Variants in LAMA2 observed in about 807,000 individuals in gnomAD.
The protein encoded by LAMA2 is laminin subunit alpha 2, also known as laminin subunit alpha-2.
Under a neutral mutation model 364.8 loss-of-function variants are expected in LAMA2, and 269 were observed. That is an observed-to-expected ratio of 0.74 (90% confidence interval 0.67 to 0.82). The LOEUF (loss-of-function observed/expected upper bound fraction) is 0.82, where lower values mean the gene tolerates loss of function less well. Ranked by LOEUF, LAMA2 falls within the 40% of genes least tolerant of loss-of-function variation. The pLI is 0.00. For missense variants in LAMA2, 3,807 were observed against 3,873.2 expected, an observed-to-expected ratio of 0.98 and a Z score of 0.45; for synonymous variants, 1,379 against 1,370.6, an observed-to-expected ratio of 1.01 and a Z score of -0.14.
At chr6:128,972,038 C>G (rs1263577786) in intron 1 of LAMA2, among the ~76,000 whole-genome samples, 3 of 152,128 alleles carry the variant, frequency 2.0e-5, no homozygotes, top group African/African-American at 4.8e-5. Context: ...GTGGAATTTC[C>G]TACACTGGGA....
chr6:129,271,051 T>C (rs1008322186), intron 17 of LAMA2, among the ~76,000 whole-genome samples: 1 of 152,124 alleles, frequency 6.6e-6, no homozygotes, highest in African/African-American at 2.4e-5. Flanking sequence ...CACATACATG[T>C]GCATGCATGT....
chr6:129,202,048 C>G (rs1277015515), intron 12 of LAMA2, among the ~76,000 whole-genome samples: 1 of 151,690 alleles, frequency 6.6e-6, no homozygotes, highest in African/African-American at 2.4e-5. Context: ...ATTAGCTGGG[C>G]ATGGTGGTGC....
intron 34 of LAMA2, among the ~76,000 whole-genome samples, chr6:129,375,709 T>C (rs1299277121): frequency 6.6e-6 from 1 of 152,224 alleles, no homozygotes; most frequent in Non-Finnish European, 1.5e-5. Flanking sequence ...TATAACACTT[T>C]CTTTGGTCTT....
chr6:129,126,329 T>G (rs192462433), intron 4 of LAMA2, among the ~76,000 whole-genome samples: 1 of 152,328 alleles, frequency 6.6e-6, no homozygotes, highest in Admixed American at 6.5e-5. Flanking sequence ...ATTTATCATT[T>G]CCATGACATC....
At chr6:129,146,252 T>C (rs1200661761) in intron 5 of LAMA2, among the ~76,000 whole-genome samples, 2 of 152,106 alleles carry the variant, frequency 1.3e-5, no homozygotes, top group Admixed American at 1.3e-4. Flanking sequence ...CTGACAATTA[T>C]AAAATGTTAT....
chr6:129,343,570 C>T (rs2114571380), intron 30 of LAMA2, among the ~76,000 whole-genome samples: 1 of 152,142 alleles, frequency 6.6e-6, no homozygotes, highest in South Asian at 2.1e-4. Context: ...TCTCTCTTTC[C>T]CTAATTTCTC....
chr6:129,061,111 C>T (rs1323247820), intron 3 of LAMA2, among the ~76,000 whole-genome samples: 1 of 152,166 alleles, frequency 6.6e-6, no homozygotes, highest in African/African-American at 2.4e-5. Flanking sequence ...TAATCCTGTG[C>T]ATGAATCCCC....
intron 1 of LAMA2, among the ~76,000 whole-genome samples, chr6:129,045,232 A>T (rs1487326651): frequency 6.6e-6 from 1 of 152,204 alleles, no homozygotes; most frequent in Non-Finnish European, 1.5e-5. Flanking sequence ...CAGTAACTGT[A>T]ATAGAAACAA....
At chr6:128,914,057 C>T (rs1434798253) in intron 1 of LAMA2, among the ~76,000 whole-genome samples, 5 of 152,108 alleles carry the variant, frequency 3.3e-5, no homozygotes, top group Non-Finnish European at 7.4e-5. Flanking sequence ...AGCTAACTCC[C>T]TTATCCATTT....
chr6:129,409,835 A>G (rs890034017), intron 40 of LAMA2, among the ~76,000 whole-genome samples: 2 of 152,198 alleles, frequency 1.3e-5, no homozygotes, highest in Admixed American at 6.5e-5. Flanking sequence ...AGCCCACTTA[A>G]AATTGGCAGC....
intron 27 of LAMA2, among the ~76,000 whole-genome samples, chr6:129,317,284 T>C (rs1348267349): frequency 2.6e-5 from 4 of 152,310 alleles, no homozygotes; most frequent in Middle Eastern, 6.8e-3. Flanking sequence ...AGAATCGATA[T>C]ATGTTTGTAA....
chr6:129,315,598 A>G lies in LAMA2; in HGVS notation c.3678A>G (p.Glu1226=), dbSNP rs777981688. ...EIVAHMDLMR[E]DLHLEPFYWK... The stretch of plus-strand genomic sequence containing the variant: ...TTGCCCACATGGACCTGATGAGAGA[A>G]GATCTCCATTTGGAACCTTTTTATT... Residue 1226 remains glutamate (E), a synonymous_variant, in exon 25 of 65, where the codon GAA becomes GAG. Transcript: ENST00000421865. 6.2e-7 allele frequency: 1 copy of G among 1,614,092 alleles called. No homozygotes were observed. The highest frequency in any genetic ancestry group is 8.5e-7 in the Non-Finnish European group (1 of 1,180,028).
chr6:129,476,511 A>G (rs1358535820), intron 53 of LAMA2, among the ~76,000 whole-genome samples: 1 of 152,192 alleles, frequency 6.6e-6, no homozygotes, highest in Non-Finnish European at 1.5e-5. Context: ...CATTGAGTCC[A>G]GTCACCTTAT....
At chr6:129,216,141 C>A (rs1367775236) in intron 12 of LAMA2, among the ~76,000 whole-genome samples, 1 of 152,176 alleles carries the variant, frequency 6.6e-6, no homozygotes, top group Non-Finnish European at 1.5e-5. Context: ...CTAGGACATA[C>A]AATCTCTGAT....
rs1778264494 is a variant in LAMA2 at position 129,143,816 on chromosome 6, A to T, written c.640-85A>T. On this transcript the variant is annotated intron_variant, in intron 4 of 64. Transcript: ENST00000421865. ...AACTAATTGGGAGAATGGGAAGTTAACTTTATTTTTCCAAGAAAAAGAAAC... is the reference window on the plus strand; with the variant it reads ...AACTAATTGGGAGAATGGGAAGTTATCTTTATTTTTCCAAGAAAAAGAAAC... The T allele has an allele frequency of 8.7e-6, 9 of 1,032,688 alleles. No individual in the cohort carries two copies. The South Asian group carries it at 1.3e-4, about 14-fold the overall frequency. The allele number at this position is 1,032,688 out of a possible 1,614,324, so 64.0% of individuals were successfully genotyped here.
intron 48 of LAMA2, 111 bp from the exon 49 acceptor site, chr6:129,460,088 GA>G: frequency 9.6e-7 from 1 of 1,037,726 alleles, no homozygotes; most frequent in Non-Finnish European, 1.5e-6. Flanking sequence ...CAAAATATCA[GA>G]AAGAATGGAT....
chr6:128,922,277 C>T (rs112415228), intron 1 of LAMA2, among the ~76,000 whole-genome samples: 9,457 of 150,144 alleles, frequency 0.063, 455 homozygotes, highest in African/African-American at 0.15. Context: ...CCTGAGGAAT[C>T]GCCACACTGA....
intron 17 of LAMA2, among the ~76,000 whole-genome samples, chr6:129,279,538 A>C (rs1299823354): frequency 6.6e-6 from 1 of 152,170 alleles, no homozygotes; most frequent in Non-Finnish European, 1.5e-5. Flanking sequence ...TGAGGATTCC[A>C]TCAGTGTGAG....
At chr6:129,035,361 TG>T (rs1786560702) in intron 1 of LAMA2, among the ~76,000 whole-genome samples, 1 of 151,440 alleles carries the variant, frequency 6.6e-6, no homozygotes, top group Admixed American at 6.6e-5. Flanking sequence ...TGGAGCTATT[TG>T]TTTTTTTCTT....
Sources: gnomAD v4.1 joint callset for allele counts (sites outside exome capture counted in the v4.1 genomes callset) on GRCh38, gnomAD v4.1.1 for gene constraint, MANE v1.5 for transcripts, NCBI Gene and HGNC (gene_info 2026-07-23, HGNC 2026-07-21) for gene names.